Variants in FHIT observed in about 807,000 individuals in gnomAD.
FHIT encodes bis(5'-adenosyl)-triphosphatase.
FHIT carries 19 observed loss-of-function variants against 17.9 expected under a neutral mutation model. The observed-to-expected ratio is 1.06, with a 90% CI of 0.74 to 1.56. The LOEUF is 1.56. Among genes scored for constraint, FHIT ranks in the 40% most tolerant of loss-of-function variants. The probability of loss-of-function intolerance (pLI) is 0.00; values close to 1 mark genes in which losing one functional copy is unlikely to be tolerated. For synonymous variants in FHIT, 81 were observed against 69.7 expected, an observed-to-expected ratio of 1.16 and a Z score of -0.81; for missense variants, 248 against 189.2, an observed-to-expected ratio of 1.31 and a Z score of -1.82.
intron 5 of FHIT, among the ~76,000 whole-genome samples, chr3:60,172,180 A>C (rs56382355): frequency 0.35 from 53,630 of 152,070 alleles, 9,907 homozygotes; most frequent in Middle Eastern, 0.4. Context: ...TCAGGAAGTC[A>C]GGAGAGCTAG....
At chr3:61,250,397 C>T (rs1225434166) in intron 1 of FHIT, among the ~76,000 whole-genome samples, 1 of 152,188 alleles carries the variant, frequency 6.6e-6, no homozygotes, top group Non-Finnish European at 1.5e-5. Flanking sequence ...CTATTGGTCC[C>T]AGCACATTTC....
At chr3:61,057,989 T>A (rs2034285225) in intron 2 of FHIT, among the ~76,000 whole-genome samples, 1 of 152,020 alleles carries the variant, frequency 6.6e-6, no homozygotes, top group Non-Finnish European at 1.5e-5. Context: ...TCAAACTGGG[T>A]AGAGTTCAAG....
chr3:60,019,315 C>G (rs1046647472), intron 5 of FHIT, among the ~76,000 whole-genome samples: 4 of 151,804 alleles, frequency 2.6e-5, no homozygotes, highest in Non-Finnish European at 5.9e-5. Flanking sequence ...GATATGGACA[C>G]TAGGAAGTTC....
chr3:60,092,495 G>T (rs112234551), intron 5 of FHIT, among the ~76,000 whole-genome samples: 1 of 152,184 alleles, frequency 6.6e-6, no homozygotes, highest in Admixed American at 6.5e-5. Context: ...CTACATTAAG[G>T]TCTGGCTTTT....
chr3:60,969,248 G>A (rs1406792642), intron 3 of FHIT, among the ~76,000 whole-genome samples: 1 of 151,980 alleles, frequency 6.6e-6, no homozygotes, highest in African/African-American at 2.4e-5. Flanking sequence ...ATCAAATTTA[G>A]TTGTATTTTT....
intron 4 of FHIT, among the ~76,000 whole-genome samples, chr3:60,688,330 A>T (rs1348548494): frequency 6.6e-6 from 1 of 152,170 alleles, no homozygotes; most frequent in East Asian, 1.9e-4. Context: ...TAACCAAAGG[A>T]TGATAATACT....
intron 5 of FHIT, among the ~76,000 whole-genome samples, chr3:60,206,475 G>T (rs988625417): frequency 2.6e-5 from 4 of 151,740 alleles, no homozygotes; most frequent in Non-Finnish European, 5.9e-5. Context: ...ATTGCCAAAA[G>T]CACAATTTTT....
At chr3:60,773,958 C>T (rs1700131778) in intron 4 of FHIT, among the ~76,000 whole-genome samples, 1 of 152,184 alleles carries the variant, frequency 6.6e-6, no homozygotes, top group East Asian at 1.9e-4. Flanking sequence ...TTAAAACATT[C>T]CTACTGGATG....
intron 5 of FHIT, among the ~76,000 whole-genome samples, chr3:60,069,085 G>A (rs1273797149): frequency 6.6e-6 from 1 of 151,920 alleles, no homozygotes; most frequent in Non-Finnish European, 1.5e-5. Context: ...GGTAATCATA[G>A]AAAAATATAA....
Position 61,149,636 on chromosome 3 carries a change from G to C in FHIT, c.-164+50981C>G, listed in dbSNP as rs1576107517. ...CTCACACCTGTAATCCCATCATTTT[G>C]GGAGGCACAGATGGGAGGATGGCTT... On this transcript the variant is annotated intron_variant, in intron 2 of 9. Coordinates refer to ENST00000492590, the MANE Select transcript of FHIT (RefSeq NM_002012.4). Among the ~76,000 whole-genome samples, 3 of 152,152 alleles carry C rather than the reference G, an allele frequency of 2.0e-5. No individual in the cohort carries two copies. The Middle Eastern group carries it at 0.01, about 518-fold the overall frequency.
intron 8 of FHIT, among the ~76,000 whole-genome samples, chr3:59,898,656 T>C (rs747341465): frequency 2.6e-5 from 4 of 152,164 alleles, no homozygotes; most frequent in Non-Finnish European, 5.9e-5. Context: ...TTCTTCTTTT[T>C]TTGGTACTTT....
intron 4 of FHIT, among the ~76,000 whole-genome samples, chr3:60,705,357 C>G (rs1251646555): frequency 2.0e-5 from 3 of 152,148 alleles, no homozygotes; most frequent in African/African-American, 7.2e-5. Flanking sequence ...TAAGAACCTT[C>G]ACCTTGTTTC....
At chr3:59,859,455 C>T (rs1037427800) in intron 8 of FHIT, among the ~76,000 whole-genome samples, 3 of 152,194 alleles carry the variant, frequency 2.0e-5, no homozygotes, top group African/African-American at 4.8e-5. Flanking sequence ...CTGTGGCTCA[C>T]GCCTGTAATC....
chr3:60,459,020 G>A (rs938446169), intron 5 of FHIT, among the ~76,000 whole-genome samples: 8 of 151,882 alleles, frequency 5.3e-5, no homozygotes, highest in Non-Finnish European at 8.8e-5. Flanking sequence ...GGGCTCAAGC[G>A]ATCCTCCTAC....
At chr3:59,928,875 A>C (rs1316716880) in intron 7 of FHIT, among the ~76,000 whole-genome samples, 2 of 151,840 alleles carry the variant, frequency 1.3e-5, no homozygotes, top group Non-Finnish European at 2.9e-5. Flanking sequence ...CACACCTGTA[A>C]TCCCAGCTAC....
chr3:59,796,745 G>A (rs972269095), intron 8 of FHIT, among the ~76,000 whole-genome samples: 1 of 152,172 alleles, frequency 6.6e-6, no homozygotes, highest in Non-Finnish European at 1.5e-5. Context: ...GCCCTGAGAT[G>A]AATTCCAAGA....
intron 2 of FHIT, among the ~76,000 whole-genome samples, chr3:61,154,667 T>G (rs2037485469): frequency 6.6e-6 from 1 of 152,190 alleles, no homozygotes; most frequent in Non-Finnish European, 1.5e-5. Context: ...GGCCATCTGA[T>G]ATTGCAGCTC....
At chr3:60,912,762 T>C (rs11130795) in intron 3 of FHIT, 211,636 of 514,662 alleles carry the variant, frequency 0.41, 49,513 homozygotes, top group East Asian at 0.84. Context: ...TTCTCACAAT[T>C]TGCAGAAACT....
chr3:60,403,516 C>A (rs1251781573), intron 5 of FHIT, among the ~76,000 whole-genome samples: 1 of 152,132 alleles, frequency 6.6e-6, no homozygotes, highest in Non-Finnish European at 1.5e-5. Flanking sequence ...AGGCCAGCCA[C>A]AAAACCTAAA....
Sources: gnomAD v4.1 joint callset for allele counts (sites outside exome capture counted in the v4.1 genomes callset) on GRCh38, gnomAD v4.1.1 for gene constraint, MANE v1.5 for transcripts, NCBI Gene and HGNC (gene_info 2026-07-23, HGNC 2026-07-21) for gene names.